Variants in SPEF2 observed in about 807,000 individuals in gnomAD.
SPEF2 encodes sperm flagellar and cilia associated 2.
In SPEF2, 187 loss-of-function variants were observed where a neutral mutation model predicts 224.6. That is an observed-to-expected ratio of 0.83 (90% CI 0.74 to 0.94). The LOEUF (loss-of-function observed/expected upper bound fraction) is 0.94. Among genes scored for constraint, SPEF2 ranks in the 40% least tolerant of loss-of-function variants. The pLI, the probability that SPEF2 is intolerant of heterozygous loss-of-function variation, is 0.00. For synonymous variants in SPEF2, 715 were observed against 707.3 expected (o/e 1.01, Z -0.17); for missense variants, 2,170 against 2,135.6 (o/e 1.02, Z -0.32).
chr5:35,654,445 G>A (rs1748676247), intron 6 of SPEF2, 95 bp from the exon 7 acceptor site: 2 of 978,188 alleles, frequency 2.0e-6, no homozygotes, highest in African/African-American at 1.7e-5. Flanking sequence ...TGAACTCAAG[G>A]GATCCTTCTC....
intron 30 of SPEF2, among the ~76,000 whole-genome samples, chr5:35,786,701 T>G (rs1414773654): frequency 6.6e-6 from 1 of 151,538 alleles, no homozygotes; most frequent in Non-Finnish European, 1.5e-5. Flanking sequence ...TAGACCCAAA[T>G]AAGGTATGAA....
At chr5:35,766,899 G>A (rs1231752964) in intron 26 of SPEF2, among the ~76,000 whole-genome samples, 1 of 151,492 alleles carries the variant, frequency 6.6e-6, no homozygotes, top group African/African-American at 2.4e-5. Flanking sequence ...GTTGTTTTCT[G>A]GCTTGATTAC....
Position 35,779,184 on chromosome 5 carries a change from T to C in SPEF2, c.4285T>C (p.Tyr1429His), listed in dbSNP as rs201926444. Residue 1429 changes from tyrosine to histidine, a missense_variant, in exon 30 of 37, where the codon TAT becomes CAT. Coordinates refer to ENST00000356031, the MANE Select transcript of SPEF2 (RefSeq NM_024867.4). ...ETSTKIQNEL[Y>H]LSQEDFFING... ...ATCTACAAAAATTCAGAATGAACTT[T>C]ATTTAAGCCAAGAAGACTTCTTCAT... The C allele has an allele frequency of 3.5e-5, 56 of 1,613,886 alleles. No individual in the cohort carries two copies. Among genetic ancestry groups the C allele is most frequent in the Non-Finnish European group, 4.6e-5 (54 of 1,179,882 alleles).
chr5:35,798,301 T>C (rs186127926), intron 33 of SPEF2, among the ~76,000 whole-genome samples: 3 of 151,048 alleles, frequency 2.0e-5, no homozygotes, highest in Non-Finnish European at 1.5e-5. Flanking sequence ...CCTGTTGCCT[T>C]TCATTTCACC....
At chr5:35,756,585 T>C (rs991766762) in intron 24 of SPEF2, among the ~76,000 whole-genome samples, 3 of 152,232 alleles carry the variant, frequency 2.0e-5, no homozygotes, top group Non-Finnish European at 2.9e-5. Context: ...AAGCAAAAGT[T>C]CGCACATGGT....
At chr5:35,625,529 G>C (rs1192438260) in intron 1 of SPEF2, among the ~76,000 whole-genome samples, 1 of 152,190 alleles carries the variant, frequency 6.6e-6, no homozygotes, top group African/African-American at 2.4e-5. Flanking sequence ...GAGATTACCT[G>C]AAGGTAACAT....
In SPEF2 at chr5:35,692,620, C is replaced by G. The variant is rs1754689321; in HGVS notation, c.1795C>G (p.Gln599Glu). ...TGACACTCTTGTCCAAGAAGCTATCCAAGCATTTCATGACAATGAAAAAGT... is the reference window on the plus strand; with the variant it reads ...TGACACTCTTGTCCAAGAAGCTATCGAAGCATTTCATGACAATGAAAAAGT... ...SIDTLVQEAI[Q>E]AFHDNEKVSE... The change falls in exon 12 of 37, where the codon CAA (glutamine) becomes GAA (glutamate). Residue 599 changes from glutamine (Q) to glutamate (E), a missense_variant. Transcript: ENST00000356031. 2 of 1,613,338 alleles carry G rather than the reference C, an allele frequency of 1.2e-6. No individual in the cohort carries two copies. Among genetic ancestry groups the G allele is most frequent in the Non-Finnish European group, 1.7e-6 (2 of 1,179,588 alleles).
chr5:35,759,483 T>C, intron 24 of SPEF2, 85 bp from the exon 25 acceptor site: 7 of 1,185,528 alleles, frequency 5.9e-6, no homozygotes, highest in Non-Finnish European at 7.8e-6. Context: ...GTTTTCAAAA[T>C]AGTGCTTTCA....
intron 26 of SPEF2, among the ~76,000 whole-genome samples, chr5:35,766,309 C>G (rs374805387): frequency 1.3e-5 from 2 of 152,092 alleles, no homozygotes; most frequent in East Asian, 1.9e-4. Flanking sequence ...CTCCTCCCAC[C>G]CAAGAATTCA....
chr5:35,633,734 T>C (rs1745446554), intron 2 of SPEF2, among the ~76,000 whole-genome samples: 1 of 152,030 alleles, frequency 6.6e-6, no homozygotes, highest in African/African-American at 2.4e-5. Flanking sequence ...TATTTTCTAA[T>C]ACCATTTTAA....
At chr5:35,673,803 C>T (rs1446147442) in intron 10 of SPEF2, among the ~76,000 whole-genome samples, 1 of 152,310 alleles carries the variant, frequency 6.6e-6, no homozygotes, top group East Asian at 1.9e-4. Flanking sequence ...GATTTTCCGT[C>T]AACCAGACTT....
intron 1 of SPEF2, among the ~76,000 whole-genome samples, chr5:35,621,761 A>T (rs1183510504): frequency 6.6e-6 from 1 of 152,178 alleles, no homozygotes; most frequent in Non-Finnish European, 1.5e-5. Flanking sequence ...TTGCTGCCTT[A>T]TGGGGCTAAA....
chr5:35,739,241 A>G (rs1177578568), intron 21 of SPEF2, among the ~76,000 whole-genome samples: 1 of 152,192 alleles, frequency 6.6e-6, no homozygotes, highest in Non-Finnish European at 1.5e-5. Context: ...CATTCTAGAG[A>G]TGAGTATAGA....
At chr5:35,694,799 TG>T (rs1334336742) in intron 13 of SPEF2, among the ~76,000 whole-genome samples, 1 of 152,170 alleles carries the variant, frequency 6.6e-6, no homozygotes, top group African/African-American at 2.4e-5. Context: ...GTATGCACAG[TG>T]GTTCCTAAAT....
At chr5:35,774,448 A>C in intron 28 of SPEF2, among the ~76,000 whole-genome samples, 1 of 152,178 alleles carries the variant, frequency 6.6e-6, no homozygotes, top group Non-Finnish European at 1.5e-5. Flanking sequence ...TAGGAAAATA[A>C]ATTTTAACTA....
chr5:35,806,850 G>C lies in SPEF2; in HGVS notation c.5154G>C (p.Lys1718Asn), dbSNP rs761265870. Residue 1718 changes from lysine to asparagine, a missense_variant, in exon 35 of 37, where the codon AAG (lysine) becomes AAC (asparagine). Coordinates refer to ENST00000356031, the MANE Select transcript of SPEF2 (RefSeq NM_024867.4). ...TCCCTGAAAATGCAAACAATGAAAA[G>C]ATGTCCATGGAAACACTACTCAAAG... ...EEIPENANNE[K>N]MSMETLLKVF... 6.2e-7 allele frequency: 1 copy of C among 1,614,006 alleles called. No individual in the cohort carries two copies. The highest frequency in any genetic ancestry group is 8.5e-7 in the Non-Finnish European group (1 of 1,179,966).
intron 6 of SPEF2, among the ~76,000 whole-genome samples, chr5:35,651,064 A>G (rs764188079): frequency 6.6e-6 from 1 of 152,242 alleles, no homozygotes; most frequent in Non-Finnish European, 1.5e-5. Context: ...CCCATGTTCC[A>G]GATATCAGGA....
rs1438891047 is a variant in SPEF2, at chr5:35,704,546, T to C, written c.2399-8T>C. The C allele has an allele frequency of 2.5e-6, 4 of 1,583,994 alleles. No individual in the cohort carries two copies. The highest frequency in any genetic ancestry group is 3.4e-6 in the Non-Finnish European group (4 of 1,163,560). ...AAATTATCTAATTAAATAAATTTTA[T>C]ACCATAGCTGAAGAATTGTCCTATA... On this transcript the variant is annotated splice_polypyrimidine_tract_variant and splice_region_variant and intron_variant, in intron 16 of 36. Coordinates refer to ENST00000356031, the MANE Select transcript of SPEF2 (RefSeq NM_024867.4).
rs139388773 is a variant in SPEF2, at chr5:35,661,914, T to A, written c.1167+2707T>A. ...GCATTCATGGGTCTTTAAAATAGAATGATTTATATTCCTTTGGGTATAAAC... is the reference window on the plus strand; with the variant it reads ...GCATTCATGGGTCTTTAAAATAGAAAGATTTATATTCCTTTGGGTATAAAC... On this transcript the variant is annotated intron_variant, in intron 8 of 36. Transcript: ENST00000356031. Among the ~76,000 whole-genome samples the A allele has an allele frequency of 3.9e-5, 6 of 152,318 alleles. 1 individual carries two copies. In the East Asian group the frequency reaches 9.6e-4, roughly 24 times the overall value.
Sources: allele counts gnomAD v4.1 joint callset (sites outside exome capture counted in the v4.1 genomes callset), GRCh38; gene constraint gnomAD v4.1.1; transcripts MANE v1.5; gene names NCBI Gene and HGNC (gene_info 2026-07-23, HGNC 2026-07-21).